Variants in SPOCK3 observed in about 807,000 individuals in gnomAD.
SPOCK3 encodes testican-3.
In SPOCK3, 30 loss-of-function variants were observed where a neutral mutation model predicts 56.6. The ratio of observed to expected loss-of-function variants is 0.53; its 90% CI spans 0.40 to 0.72. The LOEUF (loss-of-function observed/expected upper bound fraction) is 0.72, where lower values mean the gene tolerates loss of function less well. Among genes scored for constraint, SPOCK3 ranks in the 30% least tolerant of loss-of-function variants. SPOCK3 has a pLI of 0.00. For missense variants in SPOCK3, 527 were observed against 530.0 expected, an observed-to-expected ratio of 0.99 and a Z score of 0.06; for synonymous variants, 196 against 183.3, an observed-to-expected ratio of 1.07 and a Z score of -0.56.
intron 4 of SPOCK3, among the ~76,000 whole-genome samples, chr4:166,959,751 T>C (rs774107182): frequency 5.9e-5 from 9 of 152,150 alleles, no homozygotes; most frequent in East Asian, 3.8e-4. Context: ...AGAGCTGAGA[T>C]AGTATTTTCT....
intron 3 of SPOCK3, among the ~76,000 whole-genome samples, chr4:167,032,787 T>A (rs1363477667): frequency 1.3e-5 from 2 of 152,112 alleles, no homozygotes; most frequent in African/African-American, 4.8e-5. Context: ...ATATTCTGTA[T>A]CCAATTCTAA....
chr4:167,107,806 C>G (rs955377914), intron 2 of SPOCK3, among the ~76,000 whole-genome samples: 5 of 151,694 alleles, frequency 3.3e-5, no homozygotes, highest in Admixed American at 1.3e-4. Context: ...CAACAGTGAG[C>G]AATGTGAAAA....
chr4:167,134,136 C>T (rs1432356551), intron 2 of SPOCK3, among the ~76,000 whole-genome samples: 1 of 140,328 alleles, frequency 7.1e-6, no homozygotes, highest in Admixed American at 8.0e-5. Flanking sequence ...TCAAGTGATT[C>T]TCCTGTCTCA....
chr4:166,822,126 A>G (rs554152959), intron 6 of SPOCK3, among the ~76,000 whole-genome samples: 5 of 152,046 alleles, frequency 3.3e-5, no homozygotes, highest in Non-Finnish European at 7.4e-5. Flanking sequence ...GAATTATATA[A>G]TCACACTAAT....
At chr4:167,155,897 T>A (rs919651710) in intron 2 of SPOCK3, among the ~76,000 whole-genome samples, 1 of 152,134 alleles carries the variant, frequency 6.6e-6, no homozygotes, top group Non-Finnish European at 1.5e-5. Flanking sequence ...AGATGACAAG[T>A]TGATAGGTGC....
intron 3 of SPOCK3, among the ~76,000 whole-genome samples, chr4:167,056,399 G>A (rs1303972221): frequency 3.3e-5 from 5 of 152,294 alleles, no homozygotes; most frequent in South Asian, 2.1e-4. Context: ...CCAAAGGAAC[G>A]CAGCTCCTCA....
intron 9 of SPOCK3, among the ~76,000 whole-genome samples, chr4:166,737,995 C>T (rs766593538): frequency 3.3e-5 from 5 of 152,316 alleles, no homozygotes; most frequent in South Asian, 2.1e-4. Context: ...CTGCCTTCAT[C>T]GCTGCCAACT....
Position 166,992,814 on chromosome 4 carries a change from T to G in SPOCK3, c.350+7535A>C. On this transcript the variant is annotated intron_variant, in intron 4 of 10. Transcript: ENST00000357545. Reference sequence around the variant, plus strand: ...GAACTATTTGAATCTTCCTTTGCTGTACTTTTTCCCCCCAATTCATACTCT... The same window carrying G: ...GAACTATTTGAATCTTCCTTTGCTGGACTTTTTCCCCCCAATTCATACTCT... Among the ~76,000 whole-genome samples, 2 of 20,886 alleles carry G rather than the reference T, an allele frequency of 9.6e-5. 1 individual carries two copies. The highest frequency in any genetic ancestry group is 6.9e-4 in the Non-Finnish European group (2 of 2,902). The allele number at this position is 20,886 out of a possible 152,430, so 13.7% of individuals were successfully genotyped here. A position where few individuals can be genotyped will look rare whatever the true frequency, so the allele number is the denominator to read the frequency against.
intron 4 of SPOCK3, among the ~76,000 whole-genome samples, chr4:166,927,052 C>A (rs1031717330): frequency 2.6e-5 from 4 of 152,086 alleles, no homozygotes; most frequent in Non-Finnish European, 5.9e-5. Context: ...TTCAAAGCTG[C>A]AAATTATGAC....
chr4:167,026,589 G>T (rs1245648193), intron 3 of SPOCK3, among the ~76,000 whole-genome samples: 1 of 151,836 alleles, frequency 6.6e-6, no homozygotes, highest in South Asian at 2.1e-4. Context: ...AGTAGTAATT[G>T]AATTATTAAA....
At chr4:166,902,726 CTTGA>C (rs1736191464) in intron 5 of SPOCK3, among the ~76,000 whole-genome samples, 1 of 151,414 alleles carries the variant, frequency 6.6e-6, no homozygotes, top group Non-Finnish European at 1.5e-5. Context: ...AGTTCATTAT[CTTGA>C]TTGAAGTTCA....
At chr4:167,101,681 C>T (rs1759658308) in intron 2 of SPOCK3, among the ~76,000 whole-genome samples, 1 of 151,260 alleles carries the variant, frequency 6.6e-6, no homozygotes, top group African/African-American at 2.4e-5. Context: ...ATGCCTAAGA[C>T]TCACCAGTAT....
At chr4:166,754,464 C>T (rs771609131) in intron 8 of SPOCK3, 44 bp downstream of exon 8, 8 of 1,569,520 alleles carry the variant, frequency 5.1e-6, no homozygotes, top group South Asian at 1.2e-5. Flanking sequence ...TAAAATTTGA[C>T]ATGCAGGTCA....
At chr4:167,020,939 C>A (rs1291939534) in intron 3 of SPOCK3, among the ~76,000 whole-genome samples, 1 of 151,898 alleles carries the variant, frequency 6.6e-6, no homozygotes, top group Non-Finnish European at 1.5e-5. Flanking sequence ...AGGGCCAGAA[C>A]TAAAAGGTGG....
chr4:166,820,194 T>TA (rs1744781629), intron 6 of SPOCK3, among the ~76,000 whole-genome samples: 1 of 152,090 alleles, frequency 6.6e-6, no homozygotes. Context: ...CAGTTATTTA[T>TA]AAAAACACAT....
At chr4:166,755,846 T>C (rs1488567040) in intron 7 of SPOCK3, among the ~76,000 whole-genome samples, 5 of 152,042 alleles carry the variant, frequency 3.3e-5, no homozygotes, top group African/African-American at 1.2e-4. Flanking sequence ...ATAAAAATAA[T>C]AGAAATAAAA....
intron 2 of SPOCK3, among the ~76,000 whole-genome samples, chr4:167,116,598 A>ACG (rs1286412216): frequency 2.2e-5 from 2 of 89,824 alleles, no homozygotes; most frequent in African/African-American, 1.0e-4. Flanking sequence ...ATATATATAC[A>ACG]TATATACTAT....
chr4:167,021,575 T>A (rs1580019969), intron 3 of SPOCK3, among the ~76,000 whole-genome samples: 2 of 151,990 alleles, frequency 1.3e-5, no homozygotes, highest in East Asian at 3.9e-4. Context: ...TCAAGAGAGT[T>A]CCCACATCCC....
At chr4:167,174,436 G>GA (rs397996153) in intron 2 of SPOCK3, among the ~76,000 whole-genome samples, 38,427 of 144,496 alleles carry the variant, frequency 0.27, 6,931 homozygotes, top group African/African-American at 0.52. Flanking sequence ...CTAAAATTTT[G>GA]AAAAAAAAAA....
Sources: gnomAD v4.1 joint callset for allele counts (sites outside exome capture counted in the v4.1 genomes callset) on GRCh38, gnomAD v4.1.1 for gene constraint, MANE v1.5 for transcripts, NCBI Gene and HGNC (gene_info 2026-07-23, HGNC 2026-07-21) for gene names.